The following TSEN2 variants were observed in gnomAD, a reference collection of about 807,000 sequenced individuals.
TSEN2 encodes tRNA splicing endonuclease subunit 2, also known as tRNA-splicing endonuclease subunit Sen2.
Under a neutral mutation model 59.2 loss-of-function variants are expected in TSEN2, and 54 were observed. The ratio of observed to expected loss-of-function variants is 0.91; its 90% CI spans 0.73 to 1.14. The LOEUF (loss-of-function observed/expected upper bound fraction) is 1.14, where lower values mean the gene tolerates loss of function less well. Among genes scored for constraint, TSEN2 ranks in the 50% most tolerant of loss-of-function variants. The probability of loss-of-function intolerance (pLI) is 0.00; values close to 1 mark genes in which losing one functional copy is unlikely to be tolerated. For missense variants in TSEN2, 636 were observed against 576.2 expected (o/e 1.10, Z -1.06); for synonymous variants, 195 against 198.2 (o/e 0.98, Z 0.14).
At chr3:12,534,852 T>C (rs1344792137), downstream of TSEN2, among the ~76,000 whole-genome samples, 4 of 149,320 alleles carry the variant, frequency 2.7e-5, no homozygotes, top group Admixed American at 6.7e-5. Context: ...GTGGCACCTG[T>C]AATCCCAGCT....
intron 2 of TSEN2, among the ~76,000 whole-genome samples, chr3:12,491,116 G>A (rs551843891): frequency 2.6e-5 from 4 of 151,938 alleles, no homozygotes; most frequent in South Asian, 2.1e-4. Context: ...TCAGCCTCCC[G>A]AGTAGTTGGG....
At chr3:12,518,736 C>A (rs1189236800) in intron 7 of TSEN2, among the ~76,000 whole-genome samples, 1 of 145,996 alleles carries the variant, frequency 6.8e-6, no homozygotes, top group African/African-American at 2.6e-5. Context: ...AGTAGGAAGT[C>A]AGTGTATATT....
At chr3:12,490,888 G>A (rs1054119006) in intron 2 of TSEN2, among the ~76,000 whole-genome samples, 3 of 152,352 alleles carry the variant, frequency 2.0e-5, no homozygotes, top group Admixed American at 6.5e-5. Context: ...GCCAAGGGCA[G>A]CTCACCAGGG....
chr3:12,507,646 C>T (rs376403640), intron 6 of TSEN2, among the ~76,000 whole-genome samples: 9 of 152,202 alleles, frequency 5.9e-5, no homozygotes, highest in East Asian at 5.8e-4. Context: ...TAAGTGCTAC[C>T]GATACTGAAA....
chr3:12,529,465 C>CAAAA (rs36043558), intron 9 of TSEN2, among the ~76,000 whole-genome samples: 1 of 105,694 alleles, frequency 9.5e-6, no homozygotes, highest in African/African-American at 3.4e-5. Context: ...GACTCCGTCT[C>CAAAA]AAAAAAAAAA....
At chr3:12,484,116 C>T (rs2052339677), upstream of TSEN2, among the ~76,000 whole-genome samples, 1 of 152,238 alleles carries the variant, frequency 6.6e-6, no homozygotes, top group Non-Finnish European at 1.5e-5. Context: ...GATCAGTTTC[C>T]TCAGGGCCAT....
In TSEN2 at chr3:12,519,125, T is replaced by C. The variant is rs781561985; in HGVS notation, c.1027T>C (p.Tyr343His). Reference sequence around the variant, plus strand: ...AGTTCAGCCCACGTTCAGAACCACCTACATGGCCTACCATTACTTTCGAAG... The same window carrying C: ...AGTTCAGCCCACGTTCAGAACCACCCACATGGCCTACCATTACTTTCGAAG... ...TVVQPTFRTT[Y>H]MAYHYFRSKG... The change falls in exon 8 of 12, where the codon TAC becomes CAC. Residue 343 changes from tyrosine (Y) to histidine (H), a missense_variant. Tyr to His is a moderately conservative substitution (Grantham distance 83). Transcript: ENST00000284995. 1 of 1,614,218 alleles carries C rather than the reference T, an allele frequency of 6.2e-7. No individual in the cohort carries two copies. The highest frequency in any genetic ancestry group is 8.5e-7 in the Non-Finnish European group (1 of 1,180,020).
rs1364604772 is a variant in TSEN2, at chr3:12,519,084, G to A, written c.986G>A (p.Trp329Ter). The A allele has an allele frequency of 6.2e-7, 1 of 1,614,108 alleles. No individual in the cohort carries two copies. Among genetic ancestry groups the A allele is most frequent in the Non-Finnish European group, 8.5e-7 (1 of 1,180,010 alleles). ...EKEPLTIVKL[W>*]KAFTVVQPTF... ...GAGCCTTTAACGATAGTGAAGCTCT[G>A]GAAAGCTTTCACTGTAGTTCAGCCC... The change falls in exon 8 of 12, where the codon TGG (tryptophan) becomes TAG (stop). Residue 329 changes from tryptophan (W) to a stop codon, truncating the protein, a stop_gained. Transcript: ENST00000284995. LOFTEE classifies it high-confidence loss of function.
downstream of TSEN2, among the ~76,000 whole-genome samples, chr3:12,536,336 G>T (rs1351952042): frequency 6.6e-6 from 1 of 152,176 alleles, no homozygotes; most frequent in Non-Finnish European, 1.5e-5. Context: ...GGCTTTGGAA[G>T]ATTACCTTTG....
chr3:12,495,427 A>G (rs960117405), intron 3 of TSEN2, among the ~76,000 whole-genome samples: 1 of 152,106 alleles, frequency 6.6e-6, no homozygotes, highest in African/African-American at 2.4e-5. Context: ...ACAGGGTTTC[A>G]CCATGTTACC....
intron 3 of TSEN2, among the ~76,000 whole-genome samples, chr3:12,493,509 A>G (rs1387517439): frequency 1.8e-4 from 28 of 152,172 alleles, no homozygotes; most frequent in Admixed American, 1.3e-4. Context: ...CGGGCAGATC[A>G]TGAGGTCAGG....
chr3:12,508,162 G>C (rs925469818), intron 6 of TSEN2, among the ~76,000 whole-genome samples: 1 of 152,202 alleles, frequency 6.6e-6, no homozygotes, highest in Non-Finnish European at 1.5e-5. Flanking sequence ...TTCCGTGTCA[G>C]ATGCTGGGAG....
intron 8 of TSEN2, among the ~76,000 whole-genome samples, chr3:12,523,553 A>C (rs1470142906): frequency 5.1e-5 from 1 of 19,582 alleles, no homozygotes; most frequent in Non-Finnish European, 1.1e-4. Flanking sequence ...TTTTTTTTTG[A>C]GACAAAGTCT....
At chr3:12,487,165 G>A (rs1322447527) in intron 1 of TSEN2, among the ~76,000 whole-genome samples, 1 of 152,228 alleles carries the variant, frequency 6.6e-6, no homozygotes, top group Admixed American at 6.5e-5. Flanking sequence ...GAGAAAGTGG[G>A]TTGTGCAAGG....
At chr3:12,530,136 A>G in intron 10 of TSEN2, 3 of 1,361,066 alleles carry the variant, frequency 2.2e-6, no homozygotes, top group South Asian at 1.8e-5. Context: ...TCCCATGGTG[A>G]TCTGATCTGG....
In TSEN2 at chr3:12,531,664, G is replaced by C; in HGVS notation, c.1338+5G>C. ...ATGAAAAGGATTAAAGTTCAGGTGG[G>C]TAAACTCAGAGAAATTCATGTCATC... On this transcript the variant is annotated splice_donor_5th_base_variant and intron_variant, in intron 11 of 11. Coordinates refer to ENST00000284995, the MANE Select transcript of TSEN2 (RefSeq NM_025265.4). 6 of 1,579,964 alleles carry C rather than the reference G, an allele frequency of 3.8e-6. No individual in the cohort carries two copies. The highest frequency in any genetic ancestry group is 5.2e-6 in the Non-Finnish European group (6 of 1,148,912).
At chr3:12,522,422 C>G (rs978603061) in intron 8 of TSEN2, among the ~76,000 whole-genome samples, 1 of 142,682 alleles carries the variant, frequency 7.0e-6, no homozygotes, top group Non-Finnish European at 1.5e-5. Context: ...GACCCACACA[C>G]AGAGTCAGAC....
chr3:12,517,391 C>A (rs1695227), intron 7 of TSEN2, among the ~76,000 whole-genome samples: 68,314 of 141,436 alleles, frequency 0.48, 17,114 homozygotes, highest in African/African-American at 0.61. Flanking sequence ...GATAAGGTAA[C>A]TGAGGCTCAG....
In TSEN2 at chr3:12,522,636, A is replaced by G. The variant is rs189085273; in HGVS notation, c.1099+3439A>G. Among the ~76,000 whole-genome samples the G allele has an allele frequency of 7.0e-4, 107 of 152,380 alleles. No homozygotes were observed. In the East Asian group the frequency reaches 9.8e-3, roughly 14 times the overall value. On this transcript the variant is annotated intron_variant, in intron 8 of 11. Transcript: ENST00000284995. ...AGTCACATGAAGCCTAGAACTGCCAACATAGGCTAAACTCTTAACAATTGT... is the reference window on the plus strand; with the variant it reads ...AGTCACATGAAGCCTAGAACTGCCAGCATAGGCTAAACTCTTAACAATTGT...
Sources: allele counts gnomAD v4.1 joint callset (sites outside exome capture counted in the v4.1 genomes callset), GRCh38; gene constraint gnomAD v4.1.1; transcripts MANE v1.5; gene names NCBI Gene and HGNC (gene_info 2026-07-23, HGNC 2026-07-21).